The following RYR3 variants were observed in gnomAD, a reference collection of about 807,000 sequenced individuals.
The protein encoded by RYR3 is brain ryanodine receptor-calcium release channel.
A neutral mutation model predicts 584.3 loss-of-function variants in RYR3; 207 were observed. The observed-to-expected ratio is 0.35, with a 90% CI of 0.32 to 0.40. The LOEUF is 0.40. Among genes scored for constraint, RYR3 ranks in the 10% least tolerant of loss-of-function variants. RYR3 has a pLI of 1.00. For missense variants in RYR3, 5,616 were observed against 6,089.2 expected, an observed-to-expected ratio of 0.92 and a Z score of 2.59; for synonymous variants, 2,416 against 2,248.5, an observed-to-expected ratio of 1.07 and a Z score of -2.11.
chr15:33,844,883 GA>G lies in RYR3; in HGVS notation c.13320del (p.Glu4441ArgfsTer49). The G allele has an allele frequency of 6.2e-7, 1 of 1,613,892 alleles. No individual in the cohort carries two copies. Among genetic ancestry groups the G allele is most frequent in the South Asian group, 1.1e-5 (1 of 91,062 alleles). ...CCAGGTCACTGAAGAACCTTTAGAA[GA>G]AGAGACAGAGGATGTTGCAAACCTA... is the stretch of plus-strand genomic sequence containing the variant. ...FYKVTEEPLE[E>X]ETEDVANLWN... On this transcript the variant is annotated frameshift_variant, in exon 93 of 104. Transcript: ENST00000634891. LOFTEE classifies it high-confidence loss of function.
At chr15:33,693,996 C>G (rs902493522) in intron 38 of RYR3, among the ~76,000 whole-genome samples, 1 of 152,116 alleles carries the variant, frequency 6.6e-6, no homozygotes, top group African/African-American at 2.4e-5. Context: ...GAGCTCAGCA[C>G]AGTTCCGGAG....
At chr15:33,673,999 C>T (rs1483382819) in intron 38 of RYR3, among the ~76,000 whole-genome samples, 1 of 152,322 alleles carries the variant, frequency 6.6e-6, no homozygotes, top group East Asian at 1.9e-4. Context: ...TTAGGTGGCA[C>T]TCTTGGCCTT....
Position 33,481,491 on chromosome 15 carries a change from G to GT in RYR3, c.171+7960dup, listed in dbSNP as rs2049961501. The stretch of plus-strand genomic sequence containing the variant: ...TATTTTTGAATACTTTTTTTTTTGG[G>GT]TTTTTTTGAGACAGAGTCTTGCTCT... On this transcript the variant is annotated intron_variant, in intron 2 of 103. Transcript: ENST00000634891. Among the ~76,000 whole-genome samples the GT allele has an allele frequency of 3.3e-5, 5 of 149,254 alleles. No homozygotes were observed. In the East Asian group the frequency reaches 7.8e-4, roughly 23 times the overall value.
intron 16 of RYR3, among the ~76,000 whole-genome samples, chr15:33,599,083 CAG>C (rs1341719526): frequency 2.0e-5 from 3 of 151,728 alleles, no homozygotes; most frequent in Non-Finnish European, 4.4e-5. Context: ...TACAGCAAAA[CAG>C]ACTTTAGATC....
At chr15:33,498,167 G>A (rs950550383) in intron 2 of RYR3, among the ~76,000 whole-genome samples, 2 of 152,146 alleles carry the variant, frequency 1.3e-5, no homozygotes, top group African/African-American at 4.8e-5. Flanking sequence ...CAATAAGCAT[G>A]GGAGTGCAGA....
intron 1 of RYR3, among the ~76,000 whole-genome samples, chr15:33,428,908 T>G (rs1462432016): frequency 6.6e-6 from 1 of 152,222 alleles, no homozygotes. Context: ...AAGTGTGACT[T>G]GAACATCGTA....
chr15:33,316,821 C>T (rs926783089), intron 1 of RYR3, among the ~76,000 whole-genome samples: 1 of 152,218 alleles, frequency 6.6e-6, no homozygotes, highest in African/African-American at 2.4e-5. Flanking sequence ...TGTTGGAAAA[C>T]CAGCCCAGTT....
intron 38 of RYR3, among the ~76,000 whole-genome samples, chr15:33,679,785 A>C (rs1022391726): frequency 6.6e-6 from 1 of 152,218 alleles, no homozygotes; most frequent in Non-Finnish European, 1.5e-5. Context: ...TGAAGAAATC[A>C]AGGCTCTGGG....
chr15:33,602,765 A>G (rs1269298776), intron 17 of RYR3, among the ~76,000 whole-genome samples: 16 of 87,546 alleles, frequency 1.8e-4, no homozygotes, highest in South Asian at 3.9e-4. Context: ...TTTTTTTTGG[A>G]GACAAGGTCT....
intron 1 of RYR3, among the ~76,000 whole-genome samples, chr15:33,456,577 T>G (rs2047580881): frequency 6.6e-6 from 1 of 152,278 alleles, no homozygotes; most frequent in Non-Finnish European, 1.5e-5. Flanking sequence ...GGTGCTTCAC[T>G]CCTAAACACT....
intron 2 of RYR3, among the ~76,000 whole-genome samples, chr15:33,500,353 G>T (rs1322831586): frequency 6.6e-6 from 1 of 152,150 alleles, no homozygotes; most frequent in African/African-American, 2.4e-5. Context: ...AATGCTAAAT[G>T]ACTACAAAAC....
intron 2 of RYR3, among the ~76,000 whole-genome samples, chr15:33,497,950 T>A (rs959841811): frequency 1.3e-5 from 2 of 152,158 alleles, no homozygotes; most frequent in Non-Finnish European, 2.9e-5. Context: ...CACATGTGAG[T>A]GAGAATATGC....
At chr15:33,742,540 G>A (rs2070254569) in intron 52 of RYR3, 96 bp downstream of exon 52, 3 of 824,250 alleles carry the variant, frequency 3.6e-6, no homozygotes, top group Admixed American at 2.0e-5. Context: ...ATTTGTCTAA[G>A]TAACAGATTT....
intron 27 of RYR3, 100 bp downstream of exon 27, chr15:33,636,650 G>T (rs924660009): frequency 2.5e-5 from 27 of 1,069,990 alleles, no homozygotes; most frequent in Non-Finnish European, 3.7e-5. Context: ...GGTCTACACT[G>T]TCCTTTGCAT....
intron 70 of RYR3, among the ~76,000 whole-genome samples, chr15:33,808,622 G>A: frequency 6.6e-6 from 1 of 152,096 alleles, no homozygotes; most frequent in East Asian, 1.9e-4. Context: ...CATTTTCAAG[G>A]GTAATTTCGA....
intron 82 of RYR3, 45 bp downstream of exon 82, chr15:33,825,721 A>ATAT: frequency 8.7e-6 from 9 of 1,039,786 alleles, no homozygotes; most frequent in Non-Finnish European, 1.2e-5. Flanking sequence ...CCTGATTAAA[A>ATAT]TCTTTTTTTT....
chr15:33,352,893 G>A (rs372621608), intron 1 of RYR3, among the ~76,000 whole-genome samples: 3 of 152,122 alleles, frequency 2.0e-5, no homozygotes, highest in South Asian at 4.1e-4. Context: ...CTTAACACAC[G>A]AGGACGATGG....
At chr15:33,844,420 C>T (rs115530025) in intron 92 of RYR3, among the ~76,000 whole-genome samples, 1,736 of 152,216 alleles carry the variant, frequency 0.011, 26 homozygotes, top group African/African-American at 0.04. Flanking sequence ...GCGGCTGAAG[C>T]CATGAATGTA....
Position 33,739,903 on chromosome 15 carries a change from T to C in RYR3, c.7728T>C (p.Asp2576=), listed in dbSNP as rs967113103. The stretch of plus-strand genomic sequence containing the variant: ...CTATAGCTGGGGCCTTGCCACCAGA[T>C]TATTTAGATACCAGAATCACAGCCA... ...LSAIAGALPP[D]YLDTRITATL... The change falls in exon 51 of 104, where the codon GAT becomes GAC. Residue 2576 remains aspartate, a synonymous_variant. Transcript: ENST00000634891. 6.2e-7 allele frequency: 1 copy of C among 1,613,778 alleles called. No homozygotes were observed. The highest frequency in any genetic ancestry group is 8.5e-7 in the Non-Finnish European group (1 of 1,179,812).
Sources: allele counts gnomAD v4.1 joint callset (sites outside exome capture counted in the v4.1 genomes callset), GRCh38; gene constraint gnomAD v4.1.1; transcripts MANE v1.5; gene names NCBI Gene and HGNC (gene_info 2026-07-23, HGNC 2026-07-21).